Variants in SNCAIP observed in about 807,000 individuals in gnomAD.
SNCAIP encodes synphilin-1.
Under a neutral mutation model 86.7 loss-of-function variants are expected in SNCAIP, and 43 were observed. The observed-to-expected ratio is 0.50, with a 90% CI of 0.39 to 0.64. SNCAIP has a LOEUF of 0.64. SNCAIP is among the 30% of genes least tolerant of loss of function. The pLI is 0.00. For missense variants in SNCAIP, 981 were observed against 1,103.1 expected, an observed-to-expected ratio of 0.89 and a Z score of 1.57; for synonymous variants, 417 against 427.2, an observed-to-expected ratio of 0.98 and a Z score of 0.29.
intron 3 of SNCAIP, among the ~76,000 whole-genome samples, chr5:122,415,447 C>G (rs1376084705): frequency 6.6e-6 from 1 of 152,212 alleles, no homozygotes; most frequent in East Asian, 1.9e-4. Flanking sequence ...GAAGGGAACA[C>G]TCTTATACCC....
intron 8 of SNCAIP, among the ~76,000 whole-genome samples, chr5:122,445,634 C>T (rs893265908): frequency 7.0e-6 from 1 of 142,146 alleles, no homozygotes; most frequent in African/African-American, 2.6e-5. Context: ...AATACTCTTA[C>T]CTTTAAGTTT....
intron 1 of SNCAIP, among the ~76,000 whole-genome samples, chr5:122,351,536 CAAAAAAAAAAAAAAAAAAAAA>C (rs541191012): frequency 5.5e-5 from 2 of 36,492 alleles, no homozygotes; most frequent in Admixed American, 5.0e-4. Context: ...GACTCTGTAT[CAAAAAAAAAAAAAAAAAAAAA>C]AAAAAAAAAG....
intron 1 of SNCAIP, among the ~76,000 whole-genome samples, chr5:122,329,543 T>C (rs1460217951): frequency 6.6e-6 from 1 of 152,116 alleles, no homozygotes; most frequent in Non-Finnish European, 1.5e-5. Flanking sequence ...TTCATAAAGG[T>C]ATTGAATGGA....
intron 3 of SNCAIP, among the ~76,000 whole-genome samples, chr5:122,417,501 G>A (rs1414876731): frequency 6.6e-6 from 1 of 152,192 alleles, no homozygotes; most frequent in Non-Finnish European, 1.5e-5. Flanking sequence ...AGCACATCTT[G>A]TCTAAACATT....
intron 7 of SNCAIP, among the ~76,000 whole-genome samples, chr5:122,442,936 G>A (rs1248835274): frequency 6.6e-6 from 1 of 152,144 alleles, no homozygotes; most frequent in African/African-American, 2.4e-5. Context: ...GAGACCGAGA[G>A]TGAGCAAGGG....
intron 2 of SNCAIP, among the ~76,000 whole-genome samples, chr5:122,399,191 A>G (rs1771254127): frequency 6.6e-6 from 1 of 152,136 alleles, no homozygotes; most frequent in South Asian, 2.1e-4. Flanking sequence ...GAAGATGAGG[A>G]GGGAAGCTCT....
At chr5:122,385,863 G>T (rs556924387) in intron 1 of SNCAIP, among the ~76,000 whole-genome samples, 62 of 152,226 alleles carry the variant, frequency 4.1e-4, no homozygotes, top group African/African-American at 1.3e-3. Flanking sequence ...TAATTACCAG[G>T]CCTCATAGTA....
chr5:122,450,470 A>T, intron 9 of SNCAIP, 63 bp from the exon 10 acceptor site: 1 of 1,067,046 alleles, frequency 9.4e-7, no homozygotes, highest in Non-Finnish European at 1.5e-6. Context: ...AAGACCATGT[A>T]GTGACTTGAG....
At chr5:122,441,526 A>G (rs533572545) in intron 7 of SNCAIP, among the ~76,000 whole-genome samples, 1 of 152,314 alleles carries the variant, frequency 6.6e-6, no homozygotes, top group East Asian at 1.9e-4. Context: ...GGGTGCTCCA[A>G]GAAAGCTCCC....
At chr5:122,396,816 T>C (rs1485246759) in intron 2 of SNCAIP, among the ~76,000 whole-genome samples, 1 of 152,180 alleles carries the variant, frequency 6.6e-6, no homozygotes, top group Non-Finnish European at 1.5e-5. Context: ...CAATTAAAAA[T>C]AGACTATCAT....
At chr5:122,419,603 T>C (rs1775979383) in intron 3 of SNCAIP, among the ~76,000 whole-genome samples, 1 of 152,160 alleles carries the variant, frequency 6.6e-6, no homozygotes, top group Non-Finnish European at 1.5e-5. Flanking sequence ...CTTTAAGGGA[T>C]AGAGAGATAA....
At chr5:122,376,199 G>A (rs1239772323) in intron 1 of SNCAIP, among the ~76,000 whole-genome samples, 2 of 152,090 alleles carry the variant, frequency 1.3e-5, no homozygotes, top group Admixed American at 6.6e-5. Flanking sequence ...TAAACAATCA[G>A]AATGAAGCCA....
intron 1 of SNCAIP, among the ~76,000 whole-genome samples, chr5:122,364,859 A>T (rs1034422504): frequency 6.6e-6 from 1 of 152,184 alleles, no homozygotes; most frequent in Non-Finnish European, 1.5e-5. Context: ...GCCCTTCTAG[A>T]TCTCTTTTTT....
Position 122,451,483 on chromosome 5 carries a change from A to T in SNCAIP, c.2636A>T (p.Asn879Ile). The T allele has an allele frequency of 6.2e-7, 1 of 1,613,866 alleles. No individual in the cohort carries two copies. Reference protein sequence around the residue: ...ETLSGNQNNNNNYQAANQLKT... With the variant: ...ETLSGNQNNNINYQAANQLKT... Reference sequence around the variant, plus strand: ...CTAAGTGGCAACCAAAACAATAATAATAACTACCAGGCAGCCAACCAGCTG... The same window carrying T: ...CTAAGTGGCAACCAAAACAATAATATTAACTACCAGGCAGCCAACCAGCTG... The change falls in exon 10 of 11, where the codon AAT (asparagine) becomes ATT (isoleucine). Residue 879 changes from asparagine (N) to isoleucine (I), a missense_variant. Coordinates refer to ENST00000261368, the MANE Select transcript of SNCAIP (RefSeq NM_005460.4).
At chr5:122,453,782 CAG>C (rs1409193191) in intron 10 of SNCAIP, among the ~76,000 whole-genome samples, 1 of 135,548 alleles carries the variant, frequency 7.4e-6, no homozygotes, top group African/African-American at 2.8e-5. Flanking sequence ...TTTTTGAAGA[CAG>C]AGTCTCACTC....
intron 1 of SNCAIP, among the ~76,000 whole-genome samples, chr5:122,377,782 AT>A (rs1172566322): frequency 6.9e-6 from 1 of 145,106 alleles, no homozygotes; most frequent in African/African-American, 2.6e-5. Flanking sequence ...GAGTGAGAAT[AT>A]GCGGTGTTTG....
chr5:122,384,448 G>A (rs962133049), intron 1 of SNCAIP, among the ~76,000 whole-genome samples: 7 of 152,140 alleles, frequency 4.6e-5, no homozygotes, highest in Non-Finnish European at 8.8e-5. Context: ...GCAAGTTGAA[G>A]TAGGAGAGAA....
At chr5:122,375,643 G>A (rs909817584) in intron 1 of SNCAIP, among the ~76,000 whole-genome samples, 1 of 152,012 alleles carries the variant, frequency 6.6e-6, no homozygotes, top group African/African-American at 2.4e-5. Context: ...TTGTAGCCAT[G>A]AAGTGCTATA....
intron 1 of SNCAIP, among the ~76,000 whole-genome samples, chr5:122,353,451 A>G (rs1032866371): frequency 1.3e-5 from 2 of 151,862 alleles, no homozygotes; most frequent in Non-Finnish European, 2.9e-5. Flanking sequence ...AAAAAAAAAA[A>G]AAAAGACAAC....
Sources: gnomAD v4.1 joint callset for allele counts (sites outside exome capture counted in the v4.1 genomes callset) on GRCh38, gnomAD v4.1.1 for gene constraint, MANE v1.5 for transcripts, NCBI Gene and HGNC (gene_info 2026-07-23, HGNC 2026-07-21) for gene names.